Variants in PUDP observed in about 807,000 individuals in gnomAD.
PUDP encodes the protein pseudouridine-5'-phosphatase.
PUDP carries 8 observed loss-of-function variants against 9.4 expected under a neutral mutation model. That is an observed-to-expected ratio of 0.85 (90% CI 0.50 to 1.53). The LOEUF (loss-of-function observed/expected upper bound fraction) is 1.53. PUDP is among the 40% of genes most tolerant of loss of function. The pLI is 0.00. For missense variants in PUDP, 188 were observed against 189.7 expected (o/e 0.99, Z 0.05); for synonymous variants, 99 against 80.7 (o/e 1.23, Z -1.22).
chrX:7,037,749 A>G (rs1453876589), intron 1 of PUDP, among the ~76,000 whole-genome samples: 2 of 112,464 alleles, frequency 1.8e-5, no homozygotes, highest in African/African-American at 6.5e-5. Flanking sequence ...TTATACTACC[A>G]TTTGAAAAGA....
chrX:7,017,988 C>T (rs772532609), intron 1 of PUDP, among the ~76,000 whole-genome samples: 1 of 111,758 alleles, frequency 8.9e-6, no homozygotes, highest in Admixed American at 9.4e-5. Context: ...CAAGAGTGAC[C>T]TCTGGTGGTC....
chrX:7,022,456 G>A (rs764623887), intron 1 of PUDP, among the ~76,000 whole-genome samples: 1 of 111,818 alleles, frequency 8.9e-6, no homozygotes, highest in African/African-American at 3.3e-5. Flanking sequence ...GTATCCTCAA[G>A]TTTCCTCTGT....
At chrX:7,075,288 C>T (rs1602751944) in intron 3 of PUDP, among the ~76,000 whole-genome samples, 1 of 111,646 alleles carries the variant, frequency 9.0e-6, no homozygotes, top group African/African-American at 3.3e-5. Flanking sequence ...GGGTGGATCA[C>T]GAGGTCAGGA....
chrX:6,736,969 A>G (rs1219791749), intron 3 of PUDP, among the ~76,000 whole-genome samples: 2 of 111,678 alleles, frequency 1.8e-5, no homozygotes, highest in East Asian at 5.6e-4. Context: ...ATTTTCCTAA[A>G]CATACCTGCA....
chrX:6,899,199 C>A (rs1356756147), intron 3 of PUDP, among the ~76,000 whole-genome samples: 1 of 112,801 alleles, frequency 8.9e-6, no homozygotes, highest in Non-Finnish European at 1.9e-5. Flanking sequence ...GAAGATGGGC[C>A]AAACAGGGTT....
At chrX:6,948,106 G>A (rs1040250790) in intron 3 of PUDP, among the ~76,000 whole-genome samples, 14 of 112,065 alleles carry the variant, frequency 1.2e-4, no homozygotes, top group African/African-American at 3.9e-4. Context: ...TAAAACAAAC[G>A]AAGAAGTTTT....
intron 3 of PUDP, among the ~76,000 whole-genome samples, chrX:6,886,720 T>G (rs1357598119): frequency 1.8e-5 from 2 of 111,182 alleles, no homozygotes; most frequent in Non-Finnish European, 3.8e-5. Flanking sequence ...ACTCTTTATC[T>G]TCAACAAAGA....
chrX:6,802,178 G>A (rs1414040512), intron 3 of PUDP, among the ~76,000 whole-genome samples: 1 of 111,483 alleles, frequency 9.0e-6, no homozygotes, highest in African/African-American at 3.3e-5. Flanking sequence ...TGAGCCTTAG[G>A]GCGATCTTAT....
At chrX:7,094,378 A>T (rs1184106196) in intron 2 of PUDP, among the ~76,000 whole-genome samples, 1 of 90,180 alleles carries the variant, frequency 1.1e-5, no homozygotes, top group Non-Finnish European at 2.1e-5. Flanking sequence ...TTTTTTTGAG[A>T]CGGAGTCTCG....
intron 1 of PUDP, among the ~76,000 whole-genome samples, chrX:7,111,006 C>G (rs968220927): frequency 8.9e-6 from 1 of 111,774 alleles, no homozygotes; most frequent in African/African-American, 3.3e-5. Flanking sequence ...CTGACAATCT[C>G]GAACTGTAAT....
At chrX:6,954,126 G>C (rs776756184) in intron 3 of PUDP, among the ~76,000 whole-genome samples, 1 of 110,678 alleles carries the variant, frequency 9.0e-6, no homozygotes, top group Admixed American at 9.7e-5. Context: ...CTGTGCAACT[G>C]TGAGTCAATG....
chrX:6,930,406 C>T (rs1265420404), intron 3 of PUDP, among the ~76,000 whole-genome samples: 2 of 111,344 alleles, frequency 1.8e-5, no homozygotes, highest in African/African-American at 3.3e-5. Context: ...TGGCTGTCCT[C>T]GCTGCTCATT....
intron 1 of PUDP, among the ~76,000 whole-genome samples, chrX:7,135,783 T>C (rs1308624386): frequency 2.7e-5 from 3 of 111,312 alleles, no homozygotes; most frequent in Non-Finnish European, 3.8e-5. Flanking sequence ...AATAGTAGGA[T>C]AGGAAACATC....
At chrX:7,103,611 G>A (rs1042555551) in intron 2 of PUDP, among the ~76,000 whole-genome samples, 4 of 112,218 alleles carry the variant, frequency 3.6e-5, no homozygotes, top group African/African-American at 6.5e-5. Flanking sequence ...ACAACTAAGC[G>A]AAAAGGGAGC....
intron 1 of PUDP, among the ~76,000 whole-genome samples, chrX:6,720,490 C>G (rs1343326636): frequency 1.9e-5 from 2 of 105,014 alleles, no homozygotes; most frequent in Non-Finnish European, 3.9e-5. Context: ...AAGGTGGTTA[C>G]GAGGGGCTGG....
downstream of PUDP, among the ~76,000 whole-genome samples, chrX:7,045,780 G>T (rs933005724): frequency 7.1e-5 from 8 of 112,034 alleles, no homozygotes; most frequent in African/African-American, 2.6e-4. Flanking sequence ...AAGATCAAGA[G>T]CAAAACCTGA....
At chrX:6,905,116 G>T (rs771758532) in intron 3 of PUDP, among the ~76,000 whole-genome samples, 2 of 111,317 alleles carry the variant, frequency 1.8e-5, no homozygotes, top group South Asian at 7.6e-4. Flanking sequence ...TGACATAGAA[G>T]AAAAAAGTCT....
intron 3 of PUDP, among the ~76,000 whole-genome samples, chrX:6,862,232 T>C: frequency 1.8e-5 from 2 of 112,124 alleles, no homozygotes; most frequent in South Asian, 7.5e-4. Context: ...CACCGGTCTA[T>C]GGCCCCAAGC....
chrX:6,780,527 G>T (rs966033529), intron 3 of PUDP, among the ~76,000 whole-genome samples: 12 of 111,435 alleles, frequency 1.1e-4, no homozygotes, highest in Non-Finnish European at 2.1e-4. Flanking sequence ...TCCAATACAG[G>T]CTTCATGGTT....
Sources: gnomAD v4.1 joint callset for allele counts (sites outside exome capture counted in the v4.1 genomes callset) on GRCh38, gnomAD v4.1.1 for gene constraint, MANE v1.5 for transcripts, NCBI Gene and HGNC (gene_info 2026-07-23, HGNC 2026-07-21) for gene names.